Variants in SLC6A8 observed in about 807,000 individuals in gnomAD.
The protein encoded by SLC6A8 is sodium- and chloride-dependent creatine transporter 1.
SLC6A8 carries 6 observed loss-of-function variants against 48.3 expected under a neutral mutation model. The observed-to-expected ratio is 0.12, with a 90% CI of 0.07 to 0.25. SLC6A8 has a LOEUF of 0.25. Among genes scored for constraint, SLC6A8 ranks in the 10% least tolerant of loss-of-function variants. The pLI is 1.00. For synonymous variants in SLC6A8, 245 were observed against 244.0 expected (o/e 1.00, Z -0.04); for missense variants, 260 against 551.5 (o/e 0.47, Z 5.29).
In SLC6A8 at chrX:153,696,340, C is replaced by T. The variant is rs1464187287; in HGVS notation, c.*1126C>T. On this transcript the variant is annotated 3_prime_UTR_variant, in exon 13 of 13. Coordinates refer to ENST00000253122, the MANE Select transcript of SLC6A8 (RefSeq NM_005629.4). ...CACCCCCAGGAAGGGACCCTGGACA[C>T]GGCTCCCACGTCCAGGCTTAAGGTG... The T allele has an allele frequency of 9.1e-6, 3 of 329,416 alleles. No homozygotes were observed. Among genetic ancestry groups the T allele is most frequent in the Non-Finnish European group, 1.8e-5 (3 of 169,291 alleles). The allele number at this position is 329,416 out of a possible 1,213,427, so 27.1% of individuals were successfully genotyped here. A position where few individuals can be genotyped will look rare whatever the true frequency, so the allele number is the denominator to read the frequency against.
At position 153,691,220 on chromosome X, in the gene SLC6A8, G is replaced by A. The variant is rs1489888473; in HGVS notation, c.395-84G>A. ...CCAGGAGGACAGATGGTGGGAGCAC[G>A]GCCAGCCTGGGTGGGGACATAAAGG... is the stretch of plus-strand genomic sequence containing the variant. On this transcript the variant is annotated intron_variant, in intron 2 of 12. Transcript: ENST00000253122. The A allele has an allele frequency of 6.5e-6, 7 of 1,073,456 alleles. No homozygotes were observed. The South Asian group carries it at 1.0e-4, about 15-fold the overall frequency. The allele number at this position is 1,073,456 out of a possible 1,213,427, so 88.5% of individuals were successfully genotyped here.
At chrX:153,690,769 C>T (rs1334657560) in intron 2 of SLC6A8, 6 of 374,914 alleles carry the variant, frequency 1.6e-5, no homozygotes, top group Non-Finnish European at 2.8e-5. Flanking sequence ...GCACCCTTGG[C>T]TCTCTAGGTA....
At chrX:153,689,130 C>G (rs2091440515) in intron 1 of SLC6A8, 1 of 115,134 alleles carries the variant, frequency 8.7e-6, no homozygotes, top group Admixed American at 9.1e-5. Flanking sequence ...GGAAAGCAGG[C>G]CTGCGCCTTG....
rs782593568 is a variant in SLC6A8 at position 153,691,368 on chromosome X, C to T, written c.459C>T (p.Ala153=). Residue 153 remains alanine, a synonymous_variant, in exon 3 of 13, where the codon GCC becomes GCT. Transcript: ENST00000253122. ...ACACCTACTACATCATGGTGCTGGC[C>T]TGGGGCTTCTATTACCTGGTCAAGT... is the stretch of plus-strand genomic sequence containing the variant. The part of the protein sequence containing the change: ...YCNTYYIMVL[A]WGFYYLVKSF... The T allele has an allele frequency of 4.1e-6, 5 of 1,209,086 alleles. No homozygotes were observed. Among genetic ancestry groups the T allele is most frequent in the Admixed American group, 2.2e-5 (1 of 46,107 alleles).
In SLC6A8 at chrX:153,693,470, T is replaced by C. The variant is rs781962672; in HGVS notation, c.1025T>C (p.Ile342Thr). The stretch of plus-strand genomic sequence containing the variant: ...GCCCCTCCACCCCTCAGGGACGCCA[T>C]CATCCTGGCTCTCATCAACAGTGGG... Reference protein sequence around the residue: ...RFNNNCYKDAIILALINSGTS... With the variant: ...RFNNNCYKDATILALINSGTS... Residue 342 changes from isoleucine (I) to threonine (T), a missense_variant, in exon 7 of 13, where the codon ATC becomes ACC. By Grantham distance (89) the Ile-to-Thr change is moderately conservative (BLOSUM62 -1). Coordinates refer to ENST00000253122, the MANE Select transcript of SLC6A8 (RefSeq NM_005629.4). The C allele has an allele frequency of 5.0e-5, 60 of 1,209,210 alleles. No individual in the cohort carries two copies. Among genetic ancestry groups the C allele is most frequent in the Non-Finnish European group, 5.8e-5 (52 of 894,699 alleles).
intron 7 of SLC6A8, 75 bp downstream of exon 7, chrX:153,693,661 T>G: frequency 9.3e-7 from 1 of 1,079,271 alleles, no homozygotes; most frequent in South Asian, 1.9e-5. Flanking sequence ...GAACATGCAA[T>G]AGAAATGCTG....
chrX:153,693,696 A>C (rs2091470550), intron 7 of SLC6A8, 110 bp downstream of exon 7: 1 of 983,531 alleles, frequency 1.0e-6, no homozygotes, highest in Non-Finnish European at 1.4e-6. Context: ...TTCAAACGGA[A>C]CTTGTCAGAT....
Position 153,696,366 on chromosome X carries a change from G to C in SLC6A8, c.*1152G>C. The C allele has an allele frequency of 2.4e-5, 8 of 331,389 alleles. No individual in the cohort carries two copies. Among genetic ancestry groups the C allele is most frequent in the South Asian group, 2.1e-4 (8 of 38,553 alleles). 27.3% of individuals were successfully genotyped at this position (331,389 alleles called of 1,213,427 possible). On this transcript the variant is annotated 3_prime_UTR_variant, in exon 13 of 13. Transcript: ENST00000253122. ...GGCTCCCACGTCCAGGCTTAAGGTG[G>C]ATGCACTTCCCGCACCTCCAGTCTT...
intron 1 of SLC6A8, chrX:153,689,622 C>T: frequency 1.5e-6 from 1 of 674,025 alleles, no homozygotes; most frequent in Non-Finnish European, 1.8e-6. Context: ...CAAGCTCAGC[C>T]TCTGAGTAGT....
At position 153,695,348 on chromosome X, in the gene SLC6A8, C is replaced by G; in HGVS notation, c.*134C>G. 4 of 638,153 alleles carry G rather than the reference C, an allele frequency of 6.3e-6. 1 individual carries two copies. The South Asian group carries it at 7.7e-5, about 12-fold the overall frequency. The allele number at this position is 638,153 out of a possible 1,213,427, so 52.6% of individuals were successfully genotyped here. ...GCCTGGGGGAGGAGGGGAGAAAGCACCATGAGTGCTCACTAAAACAACTTT... is the reference window on the plus strand; with the variant it reads ...GCCTGGGGGAGGAGGGGAGAAAGCAGCATGAGTGCTCACTAAAACAACTTT... On this transcript the variant is annotated 3_prime_UTR_variant, in exon 13 of 13. Transcript: ENST00000253122.
At chrX:153,693,757 G>A (rs2091470899) in intron 7 of SLC6A8, 148 bp from the exon 8 acceptor site, 2 of 781,061 alleles carry the variant, frequency 2.6e-6, no homozygotes, top group Admixed American at 5.3e-5. Flanking sequence ...GACAGAGAAA[G>A]GACCTCCCAG....
At chrX:153,692,956 G>A (rs1296588017) in intron 4 of SLC6A8, 85 bp from the exon 5 acceptor site, 1 of 1,112,079 alleles carries the variant, frequency 9.0e-7, no homozygotes, top group Admixed American at 2.2e-5. Flanking sequence ...GAACATACCT[G>A]CCCGCAAGGG....
In SLC6A8 at chrX:153,688,646, G is replaced by T. The variant is rs1295513059; in HGVS notation, c.72G>T (p.Ala24=). ...ACGAGAAGAAGGGCCCCCTCATCGC[G>T]CCCGGGCCCGACGGGGCCCCGGCCA... ...SGDEKKGPLI[A]PGPDGAPAKG... is the part of the protein sequence containing the mutation. Residue 24 remains alanine, a synonymous_variant, in exon 1 of 13, where the codon GCG becomes GCT. Transcript: ENST00000253122. 9.3e-7 allele frequency: 1 copy of T among 1,079,360 alleles called. No homozygotes were observed. Among genetic ancestry groups the T allele is most frequent in the Non-Finnish European group, 1.2e-6 (1 of 826,748 alleles). 89.0% of individuals were successfully genotyped at this position (1,079,360 alleles called of 1,213,427 possible).
chrX:153,696,271 G>A lies in SLC6A8; in HGVS notation c.*1057G>A, dbSNP rs1469527795. ...GCAATATTCCGTCCTGGGTGTCTGG[G>A]CTGCTAACCTGGCCTGCTCAGGCTT... On this transcript the variant is annotated 3_prime_UTR_variant, in exon 13 of 13. Transcript: ENST00000253122. 1 of 298,056 alleles carries A rather than the reference G, an allele frequency of 3.4e-6. No individual in the cohort carries two copies. The highest frequency in any genetic ancestry group is 6.6e-6 in the Non-Finnish European group (1 of 152,476). 24.6% of individuals were successfully genotyped at this position (298,056 alleles called of 1,213,427 possible).
At chrX:153,688,918 T>A in intron 1 of SLC6A8, 82 bp downstream of exon 1, 1 of 574,255 alleles carries the variant, frequency 1.7e-6, no homozygotes, top group Non-Finnish European at 2.3e-6. Flanking sequence ...CGCGGAGGGG[T>A]GAAGTCCGGG....
chrX:153,693,842 G>A, intron 7 of SLC6A8, 63 bp from the exon 8 acceptor site: 3 of 951,891 alleles, frequency 3.2e-6, no homozygotes, highest in African/African-American at 3.8e-5. Context: ...TGCAGGCAGG[G>A]CTCAGGGTGC....
Position 153,693,052 on chromosome X carries a change from C to T in SLC6A8, c.789C>T (p.Phe263=). 1 of 1,211,156 alleles carries T rather than the reference C, an allele frequency of 8.3e-7. No individual in the cohort carries two copies. The highest frequency in any genetic ancestry group is 1.1e-6 in the Non-Finnish European group (1 of 895,352). Residue 263 remains phenylalanine, a synonymous_variant, in exon 5 of 13, where the codon TTC becomes TTT. Coordinates refer to ENST00000253122, the MANE Select transcript of SLC6A8 (RefSeq NM_005629.4). ...GCCTGGCCCCCCAGATCGTGTACTT[C>T]ACTGCTACATTCCCCTACGTGGTCC... ...GVKSTGKIVY[F]TATFPYVVLV... is the part of the protein sequence containing the mutation.
chrX:153,690,899 C>CCT, intron 2 of SLC6A8: 1 of 239,650 alleles, frequency 4.2e-6, no homozygotes, highest in Non-Finnish European at 7.6e-6. Context: ...GAAACCCCCC[C>CCT]CCCCCACCAC....
At chrX:153,692,336 C>A in intron 4 of SLC6A8, 1 of 463,313 alleles carries the variant, frequency 2.2e-6, no homozygotes, top group Non-Finnish European at 4.0e-6. Flanking sequence ...GTGCCCATCA[C>A]CCCCACTGGT....
Sources: allele counts gnomAD v4.1 joint callset, GRCh38; gene constraint gnomAD v4.1.1; transcripts MANE v1.5; gene names NCBI Gene and HGNC (gene_info 2026-07-23, HGNC 2026-07-21).